Variants in METTL21A observed in about 807,000 individuals in gnomAD.
METTL21A encodes the protein protein N-lysine methyltransferase METTL21A.
METTL21A carries 22 observed loss-of-function variants against 20.9 expected under a neutral mutation model. That is an observed-to-expected ratio of 1.05 (90% CI 0.75 to 1.50). METTL21A has a LOEUF of 1.50. Among genes scored for constraint, METTL21A ranks in the 40% most tolerant of loss-of-function variants. METTL21A has a pLI of 0.00. For synonymous variants in METTL21A, 93 were observed against 102.0 expected, an observed-to-expected ratio of 0.91 and a Z score of 0.53; for missense variants, 271 against 266.8, an observed-to-expected ratio of 1.02 and a Z score of -0.11.
intron 3 of METTL21A, chr2:207,620,714 G>GA: frequency 6.5e-7 from 1 of 1,531,168 alleles, no homozygotes; most frequent in Non-Finnish European, 8.7e-7. Context: ...AAGACGGACG[G>GA]AAACCTCTGT....
intron 3 of METTL21A, among the ~76,000 whole-genome samples, chr2:207,618,095 A>G (rs900204842): frequency 1.3e-5 from 2 of 152,212 alleles, no homozygotes; most frequent in Non-Finnish European, 2.9e-5. Context: ...AATTACAGGA[A>G]AATCAAAGAC....
intron 3 of METTL21A, among the ~76,000 whole-genome samples, chr2:207,594,949 G>A (rs2085818866): frequency 6.8e-6 from 1 of 147,796 alleles, no homozygotes; most frequent in African/African-American, 2.5e-5. Context: ...ATACCTAGTG[G>A]TTTTGATTTG....
chr2:207,605,149 T>C (rs1272773638), downstream of METTL21A, among the ~76,000 whole-genome samples: 3 of 152,206 alleles, frequency 2.0e-5, no homozygotes, highest in African/African-American at 4.8e-5. Context: ...ACTGTCAAAC[T>C]TTCCCTCAGC....
intron 3 of METTL21A, chr2:207,601,471 T>C (rs1220139595): frequency 5.2e-6 from 1 of 192,346 alleles, no homozygotes; most frequent in Non-Finnish European, 1.1e-5. Context: ...GCCCAGTTAA[T>C]TAAAAGACGG....
downstream of METTL21A, among the ~76,000 whole-genome samples, chr2:207,608,591 T>G (rs2088480915): frequency 6.6e-6 from 1 of 152,290 alleles, no homozygotes; most frequent in South Asian, 2.1e-4. Flanking sequence ...TAACCCACCC[T>G]GCCCCATCCA....
chr2:207,614,131 T>C (rs1195605930), intron 3 of METTL21A, among the ~76,000 whole-genome samples: 1 of 152,042 alleles, frequency 6.6e-6, no homozygotes, highest in African/African-American at 2.4e-5. Context: ...CCAGGTACAG[T>C]GGCTCATGCC....
chr2:207,600,188 C>T (rs1183254395), intron 3 of METTL21A: 6 of 175,220 alleles, frequency 3.4e-5, no homozygotes, highest in Admixed American at 1.9e-4. Flanking sequence ...TAGGTGCTCT[C>T]TTCATTTAGA....
intron 3 of METTL21A, among the ~76,000 whole-genome samples, chr2:207,603,949 C>T (rs1203617007): frequency 1.3e-5 from 2 of 152,140 alleles, no homozygotes; most frequent in Admixed American, 6.5e-5. Context: ...TTCTTCACTG[C>T]CAAGATGTGT....
At chr2:207,591,314 T>C (rs904574578) in intron 3 of METTL21A, among the ~76,000 whole-genome samples, 3 of 152,256 alleles carry the variant, frequency 2.0e-5, no homozygotes, top group Admixed American at 6.5e-5. Context: ...AATTATGTCT[T>C]CTTAGAGGAT....
At chr2:207,593,644 T>C (rs2085510418) in intron 3 of METTL21A, among the ~76,000 whole-genome samples, 1 of 151,898 alleles carries the variant, frequency 6.6e-6, no homozygotes, top group African/African-American at 2.4e-5. Context: ...AAAATAATAA[T>C]AGCTAACACA....
chr2:207,621,895 A>G, exon 3 of METTL21A: 2 of 1,614,022 alleles, frequency 1.2e-6, no homozygotes, highest in Non-Finnish European at 1.7e-6. Context: ...TCCCATCTCC[A>G]GGTATGTGGA....
intron 3 of METTL21A, among the ~76,000 whole-genome samples, chr2:207,593,968 C>G (rs2085604113): frequency 6.6e-6 from 1 of 152,176 alleles, no homozygotes; most frequent in Admixed American, 6.5e-5. Context: ...ATCTGCCTGC[C>G]TCAGCCTCCC....
At chr2:207,594,303 T>C (rs1299691632) in intron 3 of METTL21A, among the ~76,000 whole-genome samples, 1 of 152,152 alleles carries the variant, frequency 6.6e-6, no homozygotes, top group Admixed American at 6.5e-5. Flanking sequence ...TACATTCATA[T>C]TGTGGTGCAG....
At chr2:207,618,575 T>C (rs370180440) in intron 3 of METTL21A, among the ~76,000 whole-genome samples, 3 of 151,660 alleles carry the variant, frequency 2.0e-5, no homozygotes, top group African/African-American at 4.8e-5. Context: ...CAGAGGCAGG[T>C]GCCTGTAATC....
intron 3 of METTL21A, among the ~76,000 whole-genome samples, chr2:207,614,685 G>A (rs2089456857): frequency 2.6e-5 from 4 of 152,082 alleles, no homozygotes. Context: ...TGTTTCTTAT[G>A]GGTTGTTGAC....
At chr2:207,595,012 T>C (rs1212677577) in intron 3 of METTL21A, among the ~76,000 whole-genome samples, 17 of 149,440 alleles carry the variant, frequency 1.1e-4, no homozygotes, top group South Asian at 1.1e-3. Context: ...TTTTTTTTTT[T>C]CTGAGATGGA....
At chr2:207,605,463 T>A (rs962717125), downstream of METTL21A, among the ~76,000 whole-genome samples, 3 of 152,224 alleles carry the variant, frequency 2.0e-5, no homozygotes, top group Admixed American at 2.0e-4. Context: ...TTTTCGCCTA[T>A]AAGTTTTTGC....
At chr2:207,602,428 C>G (rs2087232440) in intron 3 of METTL21A, 2 of 198,746 alleles carry the variant, frequency 1.0e-5, no homozygotes, top group African/African-American at 2.3e-5. Context: ...AATGAACAAT[C>G]TTTTGGAATT....
chr2:207,618,684 G>A (rs554081061), intron 3 of METTL21A, among the ~76,000 whole-genome samples: 33 of 151,490 alleles, frequency 2.2e-4, no homozygotes, highest in African/African-American at 7.7e-4. Flanking sequence ...CTCCAGCCTG[G>A]GTGACAGAGT....
Sources: allele counts gnomAD v4.1 joint callset (sites outside exome capture counted in the v4.1 genomes callset), GRCh38; gene constraint gnomAD v4.1.1; transcripts MANE v1.5; gene names NCBI Gene and HGNC (gene_info 2026-07-23, HGNC 2026-07-21).